Variants in CNOT10 observed in about 807,000 individuals in gnomAD.
The protein encoded by CNOT10 is CCR4-NOT transcription complex subunit 10.
CNOT10 carries 30 observed loss-of-function variants against 94.6 expected under a neutral mutation model. The observed-to-expected ratio is 0.32, with a 90% CI of 0.24 to 0.43. The LOEUF is 0.43. CNOT10 is among the 20% of genes least tolerant of loss of function. CNOT10 has a pLI of 1.00. For synonymous variants in CNOT10, 289 were observed against 301.6 expected (o/e 0.96, Z 0.43); for missense variants, 759 against 877.2 (o/e 0.87, Z 1.70).
intron 17 of CNOT10, among the ~76,000 whole-genome samples, chr3:32,767,507 G>A (rs912389001): frequency 3.4e-5 from 3 of 88,968 alleles, no homozygotes; most frequent in Admixed American, 1.9e-4. Context: ...CAACAAGAGC[G>A]AAACTCTGTC....
intron 1 of CNOT10, among the ~76,000 whole-genome samples, chr3:32,698,594 T>C (rs1219065053): frequency 1.3e-5 from 2 of 152,214 alleles, no homozygotes; most frequent in Non-Finnish European, 2.9e-5. Context: ...AAGGGAGCTA[T>C]ATTTATTTAG....
intron 8 of CNOT10, among the ~76,000 whole-genome samples, chr3:32,720,715 G>T (rs1698335625): frequency 6.6e-6 from 1 of 151,832 alleles, no homozygotes; most frequent in Admixed American, 6.6e-5. Context: ...AAACTCCTGG[G>T]CTCAAGTGAT....
chr3:32,764,996 TAAAGG>T (rs1700601612), intron 17 of CNOT10, 187 bp downstream of exon 17: 6 of 1,515,914 alleles, frequency 4.0e-6, no homozygotes, highest in Admixed American at 2.0e-5. Flanking sequence ...CCTAGACACT[TAAAGG>T]AAAGTTCTTC....
intron 7 of CNOT10, 152 bp downstream of exon 7, chr3:32,717,389 G>T (rs1035999996): frequency 4.7e-6 from 2 of 421,622 alleles, no homozygotes; most frequent in Non-Finnish European, 8.5e-6. Context: ...TAATAATACT[G>T]TGTCTATAGT....
At chr3:32,772,803 C>G (rs1185052491) in intron 18 of CNOT10, among the ~76,000 whole-genome samples, 2 of 152,108 alleles carry the variant, frequency 1.3e-5, no homozygotes, top group Non-Finnish European at 2.9e-5. Context: ...TGCCTGGCAC[C>G]CAGCGGGCCT....
intron 13 of CNOT10, among the ~76,000 whole-genome samples, chr3:32,743,603 C>A (rs537229344): frequency 5.5e-4 from 84 of 152,234 alleles, no homozygotes; most frequent in South Asian, 6.2e-4. Context: ...CACTATACTC[C>A]AGCCTGGGAG....
intron 5 of CNOT10, among the ~76,000 whole-genome samples, chr3:32,714,134 A>G (rs1559487019): frequency 6.6e-6 from 1 of 152,094 alleles, no homozygotes; most frequent in East Asian, 1.9e-4. Flanking sequence ...CCCACCGGCC[A>G]CTTGTGAGGT....
At chr3:32,688,979 C>T (rs1696739894) in intron 1 of CNOT10, among the ~76,000 whole-genome samples, 1 of 151,626 alleles carries the variant, frequency 6.6e-6, no homozygotes, top group South Asian at 2.1e-4. Flanking sequence ...GCCGAGGTGG[C>T]AGATCACGAG....
At chr3:32,742,056 A>G (rs1018821577) in intron 13 of CNOT10, among the ~76,000 whole-genome samples, 2 of 151,314 alleles carry the variant, frequency 1.3e-5, no homozygotes, top group Non-Finnish European at 2.9e-5. Context: ...CCTGGGTTCA[A>G]GCAGTTCTCC....
At chr3:32,687,163 T>A (rs1278576008) in intron 1 of CNOT10, among the ~76,000 whole-genome samples, 1 of 152,182 alleles carries the variant, frequency 6.6e-6, no homozygotes. Context: ...TCTCTGCTCA[T>A]CTCCATCTCA....
intron 13 of CNOT10, among the ~76,000 whole-genome samples, chr3:32,744,058 A>T (rs984488726): frequency 1.3e-5 from 2 of 152,174 alleles, no homozygotes; most frequent in African/African-American, 4.8e-5. Context: ...AGCAATGGTA[A>T]TGTGGACACA....
At chr3:32,734,288 T>G (rs1166760318) in intron 11 of CNOT10, among the ~76,000 whole-genome samples, 1 of 152,224 alleles carries the variant, frequency 6.6e-6, no homozygotes, top group Non-Finnish European at 1.5e-5. Flanking sequence ...AAAGATTCTC[T>G]TTGGGTATAT....
intron 9 of CNOT10, among the ~76,000 whole-genome samples, chr3:32,727,406 C>T (rs76966647): frequency 0.021 from 3,268 of 152,124 alleles, 48 homozygotes; most frequent in East Asian, 0.047. Context: ...CTTATCTTTG[C>T]CTTCCTGGAA....
intron 1 of CNOT10, chr3:32,687,674 C>T (rs1459156241): frequency 8.6e-5 from 13 of 151,856 alleles, no homozygotes; most frequent in Admixed American, 7.2e-4. Context: ...AGGATGGTCT[C>T]CATTTCCTGA....
chr3:32,740,232 G>A (rs184509731), intron 13 of CNOT10, among the ~76,000 whole-genome samples: 294 of 152,138 alleles, frequency 1.9e-3, no homozygotes, highest in Non-Finnish European at 3.5e-3. Context: ...AGGCCGAGGT[G>A]GGCGGATCAC....
chr3:32,751,959 G>A (rs1699982162), intron 13 of CNOT10, among the ~76,000 whole-genome samples: 1 of 152,142 alleles, frequency 6.6e-6, no homozygotes, highest in African/African-American at 2.4e-5. Context: ...ATCTCATTTA[G>A]ATGAACTGGT....
chr3:32,728,927 C>T (rs1244463577), intron 10 of CNOT10, among the ~76,000 whole-genome samples: 1 of 152,118 alleles, frequency 6.6e-6, no homozygotes, highest in African/African-American at 2.4e-5. Flanking sequence ...AGTGAAACCC[C>T]CGTCTCTACT....
intron 1 of CNOT10, among the ~76,000 whole-genome samples, chr3:32,687,440 TTTTTTTTTTTTG>T (rs1302241697): frequency 3.1e-5 from 1 of 32,082 alleles, no homozygotes; most frequent in Non-Finnish European, 5.7e-5. Flanking sequence ...GTCCTCACGG[TTTTTTTTTTTTG>T]TTTTTTTTTT....
Position 32,727,652 on chromosome 3 carries a change from TA to T in CNOT10, c.1013-14del. On this transcript the variant is annotated splice_polypyrimidine_tract_variant and intron_variant, in intron 9 of 18. Coordinates refer to ENST00000328834, the MANE Select transcript of CNOT10 (RefSeq NM_015442.3). ...GTAAATCTAATGATGTATTCTTATC[TA>T]ATTTTTATCACTAGGTAAAAAATTT... 1 of 1,513,368 alleles carries T rather than the reference TA, an allele frequency of 6.6e-7. No homozygotes were observed. The highest frequency in any genetic ancestry group is 9.2e-7 in the Non-Finnish European group (1 of 1,088,916). 93.7% of individuals were successfully genotyped at this position (1,513,368 alleles called of 1,614,324 possible).
Sources: gnomAD v4.1 joint callset for allele counts (sites outside exome capture counted in the v4.1 genomes callset) on GRCh38, gnomAD v4.1.1 for gene constraint, MANE v1.5 for transcripts, NCBI Gene and HGNC (gene_info 2026-07-23, HGNC 2026-07-21) for gene names.